The following NCKAP5 variants were observed in gnomAD, a reference collection of about 807,000 sequenced individuals.
The protein encoded by NCKAP5 is nck-associated protein 5.
In NCKAP5, 92 loss-of-function variants were observed where a neutral mutation model predicts 167.0. The ratio of observed to expected loss-of-function variants is 0.55; its 90% CI spans 0.47 to 0.66. The LOEUF (loss-of-function observed/expected upper bound fraction) is 0.66. Among genes scored for constraint, NCKAP5 ranks in the 30% least tolerant of loss-of-function variants. The pLI, the probability that NCKAP5 is intolerant of heterozygous loss-of-function variation, is 0.00. For missense variants in NCKAP5, 2,378 were observed against 2,315.0 expected, an observed-to-expected ratio of 1.03 and a Z score of -0.56; for synonymous variants, 891 against 877.4, an observed-to-expected ratio of 1.02 and a Z score of -0.27.
chr2:133,004,950 A>G (rs1240769533), intron 6 of NCKAP5, among the ~76,000 whole-genome samples: 1 of 152,208 alleles, frequency 6.6e-6, no homozygotes, highest in African/African-American at 2.4e-5. Flanking sequence ...CCTTTCTGCA[A>G]GAAGAGAAAT....
chr2:133,355,022 G>T (rs957132200), intron 3 of NCKAP5, among the ~76,000 whole-genome samples: 2 of 152,066 alleles, frequency 1.3e-5, no homozygotes, highest in African/African-American at 2.4e-5. Flanking sequence ...CCTTCACATA[G>T]AATCAAAAAT....
intron 14 of NCKAP5, 55 bp downstream of exon 14, chr2:132,781,885 T>G: frequency 6.6e-7 from 1 of 1,510,862 alleles, no homozygotes; most frequent in Non-Finnish European, 8.9e-7. Context: ...AACAACTCTT[T>G]TAAAGGTGGT....
At chr2:133,267,988 C>A (rs2089322477) in intron 4 of NCKAP5, among the ~76,000 whole-genome samples, 2 of 152,230 alleles carry the variant, frequency 1.3e-5, no homozygotes, top group South Asian at 4.1e-4. Context: ...ATACATTCTT[C>A]TCAAGTGCTG....
intron 7 of NCKAP5, among the ~76,000 whole-genome samples, chr2:132,993,103 G>T (rs984898483): frequency 2.5e-4 from 38 of 152,302 alleles, no homozygotes; most frequent in African/African-American, 8.9e-4. Flanking sequence ...ATGCTAATCA[G>T]CTGGGTTCCT....
chr2:133,588,572 C>T, the NCKAP5 span, among the ~76,000 whole-genome samples: 3 of 152,028 alleles, frequency 2.0e-5, no homozygotes, highest in Non-Finnish European at 2.9e-5. Context: ...CTGGGAGCCA[C>T]GCACTCTTTA....
intron 3 of NCKAP5, among the ~76,000 whole-genome samples, chr2:133,397,242 G>A (rs755914390): frequency 1.2e-4 from 18 of 152,074 alleles, no homozygotes; most frequent in African/African-American, 3.9e-4. Context: ...ATTTATGGCT[G>A]TTCACCCAAC....
intron 4 of NCKAP5, among the ~76,000 whole-genome samples, chr2:133,236,747 T>C (rs1160275936): frequency 1.3e-5 from 2 of 152,218 alleles, no homozygotes; most frequent in African/African-American, 4.8e-5. Flanking sequence ...AGCCTTTTAT[T>C]CATAAGCCTT....
At chr2:133,122,020 T>C (rs1385774568) in intron 6 of NCKAP5, 1 of 152,162 alleles carries the variant, frequency 6.6e-6, no homozygotes, top group Non-Finnish European at 1.5e-5. Context: ...TAAGCCTTTC[T>C]GGAAAAGGCA....
intron 4 of NCKAP5, among the ~76,000 whole-genome samples, chr2:133,248,533 G>C (rs2088127772): frequency 6.6e-6 from 1 of 152,220 alleles, no homozygotes; most frequent in East Asian, 1.9e-4. Context: ...CTGGGAAAAA[G>C]GCAGCATTGG....
chr2:132,812,279 C>T (rs1397931086), intron 11 of NCKAP5, among the ~76,000 whole-genome samples: 2 of 152,190 alleles, frequency 1.3e-5, no homozygotes, highest in East Asian at 1.9e-4. Flanking sequence ...GTCCTGCCTC[C>T]GGTCCTCCGT....
intron 6 of NCKAP5, among the ~76,000 whole-genome samples, chr2:132,996,699 T>G (rs6735163): frequency 0.38 from 57,688 of 152,128 alleles, 11,255 homozygotes; most frequent in Middle Eastern, 0.5. Flanking sequence ...ATATTTCTAA[T>G]GTATCTCTCT....
intron 3 of NCKAP5, among the ~76,000 whole-genome samples, chr2:133,371,791 CT>C (rs1438827618): frequency 6.6e-6 from 1 of 152,176 alleles, no homozygotes; most frequent in African/African-American, 2.4e-5. Context: ...CTGCCCCTAC[CT>C]GGTTCTACCT....
chr2:133,334,619 T>C (rs146473443), intron 3 of NCKAP5, among the ~76,000 whole-genome samples: 10 of 152,286 alleles, frequency 6.6e-5, no homozygotes, highest in Middle Eastern at 3.4e-3. Flanking sequence ...TCTCCGTATA[T>C]GCATATAAAA....
At chr2:133,175,403 C>T (rs894554887) in intron 5 of NCKAP5, among the ~76,000 whole-genome samples, 1 of 152,004 alleles carries the variant, frequency 6.6e-6, no homozygotes, top group Non-Finnish European at 1.5e-5. Flanking sequence ...AGATTTGAGT[C>T]ATAATTAGAA....
intron 6 of NCKAP5, among the ~76,000 whole-genome samples, chr2:133,127,601 G>A (rs907191607): frequency 1.1e-4 from 16 of 152,154 alleles, no homozygotes; most frequent in Non-Finnish European, 1.8e-4. Context: ...AGCATCATAT[G>A]AATATAATTT....
At chr2:132,795,901 C>T (rs1684563731) in intron 12 of NCKAP5, among the ~76,000 whole-genome samples, 2 of 101,570 alleles carry the variant, frequency 2.0e-5, no homozygotes, top group South Asian at 6.8e-4. Flanking sequence ...ATAAAAACTC[C>T]ATACTTAAAA....
At chr2:133,264,910 A>G (rs991521147) in intron 4 of NCKAP5, 1 of 152,242 alleles carries the variant, frequency 6.6e-6, no homozygotes, top group Non-Finnish European at 1.5e-5. Flanking sequence ...CAAAAAACAA[A>G]CAAAACCCCC....
At chr2:133,209,077 T>A (rs112187706) in intron 5 of NCKAP5, among the ~76,000 whole-genome samples, 1 of 151,542 alleles carries the variant, frequency 6.6e-6, no homozygotes. Flanking sequence ...AAAATTACAT[T>A]AAAAAACTAT....
At chr2:133,057,508 G>C (rs1312947591) in intron 6 of NCKAP5, among the ~76,000 whole-genome samples, 1 of 152,204 alleles carries the variant, frequency 6.6e-6, no homozygotes, top group African/African-American at 2.4e-5. Flanking sequence ...CTGATATGGA[G>C]AAAGTCTGAG....
Sources: allele counts gnomAD v4.1 joint callset (sites outside exome capture counted in the v4.1 genomes callset), GRCh38; gene constraint gnomAD v4.1.1; transcripts MANE v1.5; gene names NCBI Gene and HGNC (gene_info 2026-07-23, HGNC 2026-07-21).